CAPZB: variants seen among roughly 807,000 people sequenced by gnomAD.
CAPZB encodes capping actin protein of muscle Z-line subunit beta.
CAPZB carries 2 observed loss-of-function variants against 38.1 expected under a neutral mutation model. The observed-to-expected ratio is 0.05, with a 90% CI of 0.02 to 0.17. CAPZB has a LOEUF of 0.17. Among genes scored for constraint, CAPZB ranks in the 10% least tolerant of loss-of-function variants. CAPZB has a pLI of 1.00. For synonymous variants in CAPZB, 107 were observed against 127.4 expected (o/e 0.84, Z 1.08); for missense variants, 161 against 334.2 (o/e 0.48, Z 4.04).
intron 8 of CAPZB, among the ~76,000 whole-genome samples, chr1:19,341,645 C>T (rs1193850545): frequency 3.9e-5 from 6 of 152,194 alleles, no homozygotes; most frequent in Non-Finnish European, 5.9e-5. Context: ...AGGGTTTCTA[C>T]GCCAGGACGC....
At chr1:19,444,931 C>T (rs1273977504) in intron 1 of CAPZB, among the ~76,000 whole-genome samples, 2 of 151,916 alleles carry the variant, frequency 1.3e-5, no homozygotes, top group African/African-American at 4.8e-5. Flanking sequence ...TTAGTAGAGA[C>T]GGGATCTCAC....
chr1:19,380,225 T>C (rs534516457), intron 3 of CAPZB, among the ~76,000 whole-genome samples: 53 of 152,268 alleles, frequency 3.5e-4, no homozygotes, highest in Non-Finnish European at 6.3e-4. Flanking sequence ...AGAGTTGCTG[T>C]GCTTGGTGTC....
chr1:19,407,041 C>T (rs141511312), intron 2 of CAPZB, among the ~76,000 whole-genome samples: 33 of 152,322 alleles, frequency 2.2e-4, no homozygotes, highest in Non-Finnish European at 3.8e-4. Context: ...AACTTCAATG[C>T]TCCTAACCAA....
chr1:19,413,614 G>C (rs2094366697), intron 2 of CAPZB, among the ~76,000 whole-genome samples: 1 of 91,420 alleles, frequency 1.1e-5, no homozygotes, highest in South Asian at 4.1e-4. Context: ...GATTATAAGT[G>C]TGAGCCACCA....
intron 6 of CAPZB, among the ~76,000 whole-genome samples, chr1:19,351,029 C>CTGGAGTGCAATGGCGCGATCT (rs1195999465): frequency 3.3e-5 from 5 of 151,412 alleles, no homozygotes; most frequent in Non-Finnish European, 7.4e-5. Context: ...GTCGCCCAGG[C>CTGGAGTGCAATGGCGCGATCT]TGGAGTGCAA....
chr1:19,346,693 G>A (rs548803949), intron 6 of CAPZB, among the ~76,000 whole-genome samples: 4 of 152,046 alleles, frequency 2.6e-5, no homozygotes, highest in Non-Finnish European at 5.9e-5. Flanking sequence ...GGTTAAGAGC[G>A]GGGTGAGCAG....
chr1:19,419,758 G>A lies in CAPZB; in HGVS notation c.4-8C>T. Reference sequence around the variant, plus strand: ...GTCCAGCTGCTGATCACTCTGTGGAGGGAGAAATACAAGTGCGTCAGTCAT... The same window carrying A: ...GTCCAGCTGCTGATCACTCTGTGGAAGGAGAAATACAAGTGCGTCAGTCAT... On this transcript the variant is annotated splice_polypyrimidine_tract_variant and splice_region_variant and intron_variant, in intron 1 of 8. Coordinates refer to ENST00000264202, the MANE Select transcript of CAPZB (RefSeq NM_004930.5). The A allele has an allele frequency of 6.7e-7, 1 of 1,501,188 alleles. No individual in the cohort carries two copies. The highest frequency in any genetic ancestry group is 9.2e-7 in the Non-Finnish European group (1 of 1,092,706). The allele number at this position is 1,501,188 out of a possible 1,614,324, so 93.0% of individuals were successfully genotyped here. A position where few individuals can be genotyped will look rare whatever the true frequency, so the allele number is the denominator to read the frequency against.
At chr1:19,452,793 CTTTT>C (rs34430556) in intron 1 of CAPZB, among the ~76,000 whole-genome samples, 1 of 118,430 alleles carries the variant, frequency 8.4e-6, no homozygotes, top group Admixed American at 9.4e-5. Context: ...TAATTTCTTT[CTTTT>C]TTTTTTTTTT....
intron 1 of CAPZB, among the ~76,000 whole-genome samples, chr1:19,446,438 G>T (rs1461996902): frequency 1.3e-5 from 2 of 152,242 alleles, no homozygotes; most frequent in African/African-American, 2.4e-5. Context: ...AAGGCACAAT[G>T]ATCTGAGTCT....
chr1:19,344,456 G>A (rs764371843), intron 7 of CAPZB, 22 bp from the exon 8 acceptor site: 33 of 1,601,304 alleles, frequency 2.1e-5, no homozygotes, highest in Non-Finnish European at 2.6e-5. Context: ...GTCGGTCAGC[G>A]CAGTGGCAAA....
chr1:19,439,769 C>T (rs868200808), intron 1 of CAPZB, among the ~76,000 whole-genome samples: 26 of 152,262 alleles, frequency 1.7e-4, no homozygotes, highest in African/African-American at 6.3e-4. Context: ...CACTCGCCCT[C>T]GGCTGTCCCC....
intron 1 of CAPZB, among the ~76,000 whole-genome samples, chr1:19,463,204 G>A (rs548213685): frequency 1.2e-4 from 18 of 152,166 alleles, no homozygotes; most frequent in Admixed American, 9.2e-4. Flanking sequence ...GTGGCTGCGC[G>A]GGTCTACAGG....
At chr1:19,481,622 A>G (rs1192690398) in intron 1 of CAPZB, among the ~76,000 whole-genome samples, 1 of 152,156 alleles carries the variant, frequency 6.6e-6, no homozygotes, top group Non-Finnish European at 1.5e-5. Context: ...CCCAGGCTGG[A>G]CTTCCAAGGT....
intron 1 of CAPZB, among the ~76,000 whole-genome samples, chr1:19,429,993 T>A (rs564033083): frequency 6.6e-6 from 1 of 152,272 alleles, no homozygotes; most frequent in South Asian, 2.1e-4. Flanking sequence ...TGCACTCTAG[T>A]AACTCCCTCA....
At chr1:19,406,706 T>C (rs1465414593) in intron 2 of CAPZB, among the ~76,000 whole-genome samples, 7 of 152,140 alleles carry the variant, frequency 4.6e-5, no homozygotes, top group African/African-American at 1.7e-4. Context: ...AAAATGGGCA[T>C]AAAAGATCAA....
chr1:19,471,962 T>C (rs150127529), intron 1 of CAPZB, among the ~76,000 whole-genome samples: 6 of 150,290 alleles, frequency 4.0e-5, no homozygotes, highest in Middle Eastern at 3.4e-3. Flanking sequence ...GTAACCAAGA[T>C]AAAAGTAGGA....
intron 3 of CAPZB, among the ~76,000 whole-genome samples, chr1:19,384,895 A>C (rs1335875086): frequency 6.6e-6 from 1 of 152,080 alleles, no homozygotes; most frequent in African/African-American, 2.4e-5. Flanking sequence ...CTACCGTCCC[A>C]CCCTGAACAG....
intron 1 of CAPZB, among the ~76,000 whole-genome samples, chr1:19,480,376 G>A (rs1353084320): frequency 6.6e-6 from 1 of 152,154 alleles, no homozygotes; most frequent in East Asian, 1.9e-4. Flanking sequence ...TGAGACCAAG[G>A]GAATTAGCCG....
Position 19,372,072 on chromosome 1 carries a change from T to C in CAPZB, c.329+6468A>G, listed in dbSNP as rs1458979474. On this transcript the variant is annotated intron_variant, in intron 4 of 8. Transcript: ENST00000264202. The stretch of plus-strand genomic sequence containing the variant: ...TGAGGACGCCAGCCTTGTTTCACTC[T>C]ATAAACTTCTTCCAGACAAGGAGGG... Among the ~76,000 whole-genome samples the C allele has an allele frequency of 3.3e-5, 5 of 152,270 alleles. No individual in the cohort carries two copies. The East Asian group carries it at 9.6e-4, about 29-fold the overall frequency.
Sources: gnomAD v4.1 joint callset for allele counts (sites outside exome capture counted in the v4.1 genomes callset) on GRCh38, gnomAD v4.1.1 for gene constraint, MANE v1.5 for transcripts, NCBI Gene and HGNC (gene_info 2026-07-23, HGNC 2026-07-21) for gene names.